GFRA2: variants seen among roughly 807,000 people sequenced by gnomAD.
The protein encoded by GFRA2 is GDNF family receptor alpha 2.
In GFRA2, 17 loss-of-function variants were observed where a neutral mutation model predicts 48.3. The ratio of observed to expected loss-of-function variants is 0.35; its 90% confidence interval spans 0.24 to 0.53. GFRA2 has a LOEUF of 0.53. Ranked by LOEUF, GFRA2 falls within the 20% of genes least tolerant of loss-of-function variation. The pLI, the probability that GFRA2 is intolerant of heterozygous loss-of-function variation, is 0.93. For missense variants in GFRA2, 660 were observed against 637.3 expected, an observed-to-expected ratio of 1.04 and a Z score of -0.38; for synonymous variants, 305 against 257.2, an observed-to-expected ratio of 1.19 and a Z score of -1.78.
chr8:21,789,265 C>G (rs1246116615), upstream of GFRA2: 1 of 153,580 alleles, frequency 6.5e-6, no homozygotes, highest in Non-Finnish European at 1.5e-5. Flanking sequence ...CGGGCTCGAA[C>G]CCACTCAAGC....
At chr8:21,711,759 G>C (rs1331426671) in intron 4 of GFRA2, among the ~76,000 whole-genome samples, 1 of 151,152 alleles carries the variant, frequency 6.6e-6, no homozygotes, top group African/African-American at 2.4e-5. Flanking sequence ...TAAGACAATA[G>C]TGGAGGAAAG....
At chr8:21,774,525 T>C (rs970315563) in intron 3 of GFRA2, among the ~76,000 whole-genome samples, 4 of 152,208 alleles carry the variant, frequency 2.6e-5, no homozygotes, top group Non-Finnish European at 5.9e-5. Context: ...CTGAGCACTT[T>C]ACCACCCACT....
chr8:21,711,394 G>A (rs1480540548), intron 4 of GFRA2, among the ~76,000 whole-genome samples: 3 of 152,170 alleles, frequency 2.0e-5, no homozygotes, highest in East Asian at 1.9e-4. Context: ...AGTCCATCTC[G>A]GCTGAGACCA....
chr8:21,773,102 C>T (rs1806515637), intron 3 of GFRA2, among the ~76,000 whole-genome samples: 1 of 152,204 alleles, frequency 6.6e-6, no homozygotes, highest in African/African-American at 2.4e-5. Context: ...AGGAATGGTC[C>T]CAAGTGGATT....
rs1213315786 is a variant in GFRA2 at position 21,788,806 on chromosome 8, GTCTT to G, written c.-651_-648del. ...TGACCGTGTGTCTCTGCGTGCGTGTGTCTTTCTCTCTCCTCTCTCTCTCTCTCCT... is the reference window on the plus strand; with the variant it reads ...TGACCGTGTGTCTCTGCGTGCGTGTGTCTCTCTCCTCTCTCTCTCTCTCCT... On this transcript the variant is annotated 5_prime_UTR_variant, in exon 1 of 9. Transcript: ENST00000524240. 6.1e-6 allele frequency: 6 copies of G among 985,262 alleles called. No individual in the cohort carries two copies. Among genetic ancestry groups the G allele is most frequent in the Non-Finnish European group, 7.2e-6 (6 of 829,938 alleles). The allele number at this position is 985,262 out of a possible 1,614,324, so 61.0% of individuals were successfully genotyped here.
At chr8:21,699,960 T>C (rs1802390124) in intron 7 of GFRA2, among the ~76,000 whole-genome samples, 1 of 151,952 alleles carries the variant, frequency 6.6e-6, no homozygotes, top group South Asian at 2.1e-4. Flanking sequence ...GGAGAACACA[T>C]CACGATGGGG....
rs1801934112 is a variant in GFRA2 at position 21,692,698 on chromosome 8, G to C, written c.*580C>G. 2.0e-5 allele frequency: 3 copies of C among 152,422 alleles called. 1 individual carries two copies. Among genetic ancestry groups the C allele is most frequent in the South Asian group, 4.1e-4 (2 of 4,836 alleles). The allele number at this position is 152,422 out of a possible 1,614,324, so 9.4% of individuals were successfully genotyped here. On this transcript the variant is annotated 3_prime_UTR_variant, in exon 9 of 9. Coordinates refer to ENST00000524240, the MANE Select transcript of GFRA2 (RefSeq NM_001495.5). ...CGAACCCCCTCCACCGCCATCCGTG[G>C]GGAAGTTCCCACACCAGCTGCAGAC... is the stretch of plus-strand genomic sequence containing the variant.
At chr8:21,728,265 GTTTTT>G (rs34490346) in intron 4 of GFRA2, among the ~76,000 whole-genome samples, 2 of 65,292 alleles carry the variant, frequency 3.1e-5, no homozygotes, top group Non-Finnish European at 5.4e-5. Context: ...CGGGAACCAG[GTTTTT>G]TTTTTTTTTT....
intron 2 of GFRA2, among the ~76,000 whole-genome samples, chr8:21,779,123 C>G (rs1806849843): frequency 1.3e-5 from 2 of 152,052 alleles, no homozygotes; most frequent in East Asian, 1.9e-4. Context: ...TCATTTGAGC[C>G]CAGGAGGTAG....
At chr8:21,753,070 A>G (rs545814724) in intron 3 of GFRA2, among the ~76,000 whole-genome samples, 126 of 152,288 alleles carry the variant, frequency 8.3e-4, no homozygotes, top group African/African-American at 3.0e-3. Context: ...AACCTACAGC[A>G]GACAGCCATT....
chr8:21,740,512 C>T (rs73219539), intron 4 of GFRA2, among the ~76,000 whole-genome samples: 38,711 of 152,002 alleles, frequency 0.25, 5,329 homozygotes, highest in African/African-American at 0.35. Context: ...GCATACGGCA[C>T]GGCTATCCAT....
intron 4 of GFRA2, among the ~76,000 whole-genome samples, chr8:21,711,882 T>C (rs368463477): frequency 6.6e-6 from 1 of 152,154 alleles, no homozygotes; most frequent in African/African-American, 2.4e-5. Context: ...TGGTGATGAC[T>C]CTTAAAGAGC....
chr8:21,724,523 T>C (rs570052217), intron 4 of GFRA2, among the ~76,000 whole-genome samples: 2 of 152,136 alleles, frequency 1.3e-5, no homozygotes, highest in African/African-American at 2.4e-5. Context: ...CTGCAAGTAA[T>C]GGACTGATAA....
rs923775014 is a variant in GFRA2, at chr8:21,750,378, G to T, written c.794+210C>A. On this transcript the variant is annotated intron_variant, in intron 4 of 8. Coordinates refer to ENST00000524240, the MANE Select transcript of GFRA2 (RefSeq NM_001495.5). This position sits in a 1 kb window ranked among gnomAD's most constrained non-coding sequence, Gnocchi z 5.7. ...TGAGTGAATGAATGAACAAATGAAT[G>T]AATAAAGAAGTAGATGGATGGATGA... Among the ~76,000 whole-genome samples the T allele has an allele frequency of 3.3e-5, 5 of 152,212 alleles. No homozygotes were observed. Among genetic ancestry groups the T allele is most frequent in the Admixed American group, 3.3e-4 (5 of 15,288 alleles).
chr8:21,789,413 G>A (rs2117098377), upstream of GFRA2, among the ~76,000 whole-genome samples: 1 of 152,168 alleles, frequency 6.6e-6, no homozygotes, highest in South Asian at 2.1e-4. Flanking sequence ...TGAGGCTGGA[G>A]GGCGCGGAGT....
At chr8:21,722,661 C>T (rs35674105) in intron 4 of GFRA2, among the ~76,000 whole-genome samples, 16,470 of 152,204 alleles carry the variant, frequency 0.11, 1,147 homozygotes, top group Non-Finnish European at 0.15. Context: ...CCACTCCAAC[C>T]GATACACGCG....
chr8:21,772,647 G>A (rs1806491389), intron 3 of GFRA2, among the ~76,000 whole-genome samples: 1 of 152,200 alleles, frequency 6.6e-6, no homozygotes, highest in African/African-American at 2.4e-5. Flanking sequence ...CTCATGGCAG[G>A]GAGTGGTCCC....
chr8:21,782,572 C>T lies in GFRA2; in HGVS notation c.355+13G>A. The T allele has an allele frequency of 1.3e-6, 2 of 1,551,286 alleles. No individual in the cohort carries two copies. Among genetic ancestry groups the T allele is most frequent in the East Asian group, 2.4e-5 (1 of 41,646 alleles). ...ACACCCCCTCCCCTTGGGCAAGCCCCGCCCAGGCTTACCCTCGGTCAGCCC... is the reference window on the plus strand; with the variant it reads ...ACACCCCCTCCCCTTGGGCAAGCCCTGCCCAGGCTTACCCTCGGTCAGCCC... On this transcript the variant is annotated intron_variant, in intron 2 of 8. Transcript: ENST00000524240.
At position 21,693,357 on chromosome 8, in the gene GFRA2, G is replaced by A. The variant is rs546190882; in HGVS notation, c.1316C>T (p.Pro439Leu). The A allele has an allele frequency of 6.2e-7, 1 of 1,613,260 alleles. No individual in the cohort carries two copies. Among genetic ancestry groups the A allele is most frequent in the African/African-American group, 1.3e-5 (1 of 75,018 alleles). The part of the protein sequence containing the change: ...IIPGSNKVIK[P>L]NSGPSRARPS... ...TCTGGCTCTGCTGGGGCCTGAGTTA[G>A]GTTTGATCACCTTGTTACTCCCTGG... The change falls in exon 9 of 9, where the codon CCT becomes CTT. Residue 439 changes from proline to leucine, a missense_variant. Coordinates refer to ENST00000524240, the MANE Select transcript of GFRA2 (RefSeq NM_001495.5).
Sources: gnomAD v4.1 joint callset for allele counts (sites outside exome capture counted in the v4.1 genomes callset) on GRCh38, gnomAD v4.1.1 for gene constraint, Gnocchi (gnomAD v3.1) non-coding constraint, MANE v1.5 for transcripts, NCBI Gene and HGNC (gene_info 2026-07-23, HGNC 2026-07-21) for gene names.